Variants in CNTN6 observed in about 807,000 individuals in gnomAD.
CNTN6 encodes the protein contactin 6.
Under a neutral mutation model 122.8 loss-of-function variants are expected in CNTN6, and 137 were observed. That is an observed-to-expected ratio of 1.12 (90% CI 0.97 to 1.29). The LOEUF is 1.29. CNTN6 is among the 50% of genes most tolerant of loss of function. CNTN6 has a pLI of 0.00. For missense variants in CNTN6, 1,634 were observed against 1,223.4 expected, an observed-to-expected ratio of 1.34 and a Z score of -5.01; for synonymous variants, 570 against 426.0, an observed-to-expected ratio of 1.34 and a Z score of -4.16.
chr3:1,191,000 T>C (rs568178665), intron 2 of CNTN6, among the ~76,000 whole-genome samples: 3 of 152,328 alleles, frequency 2.0e-5, no homozygotes, highest in Admixed American at 6.5e-5. Context: ...GTTGAAAGTA[T>C]TGACATGTAC....
At chr3:1,350,207 AAAATGCAGTTTG>A (rs1233405101) in intron 11 of CNTN6, among the ~76,000 whole-genome samples, 1 of 151,762 alleles carries the variant, frequency 6.6e-6, no homozygotes, top group Non-Finnish European at 1.5e-5. Context: ...GTGTCTTGTG[AAAATGCAGTTTG>A]ATTCATTAGG....
intron 4 of CNTN6, among the ~76,000 whole-genome samples, chr3:1,273,510 A>G (rs1691752784): frequency 6.6e-6 from 1 of 152,200 alleles, no homozygotes; most frequent in African/African-American, 2.4e-5. Context: ...TCTTGTTTCC[A>G]GCTAGCAGAA....
At chr3:1,246,543 A>G (rs914464020) in intron 4 of CNTN6, among the ~76,000 whole-genome samples, 1 of 152,148 alleles carries the variant, frequency 6.6e-6, no homozygotes, top group African/African-American at 2.4e-5. Context: ...TCTGTTGTAT[A>G]TACCAGAAAT....
At chr3:1,340,586 G>A (rs1161136424) in intron 11 of CNTN6, among the ~76,000 whole-genome samples, 1 of 152,104 alleles carries the variant, frequency 6.6e-6, no homozygotes, top group Non-Finnish European at 1.5e-5. Context: ...AATTAAAATA[G>A]GTATAAGACT....
In CNTN6 at chr3:1,321,832, A is replaced by G. The variant is rs1282623167; in HGVS notation, c.944A>G (p.Tyr315Cys). The change falls in exon 8 of 23, where the codon TAT (tyrosine) becomes TGT (cysteine). Residue 315 changes from tyrosine to cysteine, a missense_variant and splice_region_variant. By Grantham distance (194) the Tyr-to-Cys change is radical. Transcript: ENST00000446702. ...RNLAKGQLIFYAPPEWEQKIQ... is the reference protein window; with the variant it reads ...RNLAKGQLIFCAPPEWEQKIQ... Reference sequence around the variant, plus strand: ...CTTGCAAAGGGTCAACTCATTTTTTATGGTGAGCTAATTGGATTTCAAATA... The same window carrying G: ...CTTGCAAAGGGTCAACTCATTTTTTGTGGTGAGCTAATTGGATTTCAAATA... 1 of 1,599,448 alleles carries G rather than the reference A, an allele frequency of 6.3e-7. No homozygotes were observed. Among genetic ancestry groups the G allele is most frequent in the African/African-American group, 1.4e-5 (1 of 73,830 alleles).
intron 3 of CNTN6, among the ~76,000 whole-genome samples, chr3:1,222,609 G>A (rs1238736348): frequency 6.6e-6 from 1 of 152,086 alleles, no homozygotes; most frequent in African/African-American, 2.4e-5. Context: ...GTTGTTAAAT[G>A]GCTTTTATTT....
At chr3:1,275,604 G>A (rs1023221161) in intron 4 of CNTN6, among the ~76,000 whole-genome samples, 1 of 152,116 alleles carries the variant, frequency 6.6e-6, no homozygotes, top group Non-Finnish European at 1.5e-5. Context: ...CAAATATGGT[G>A]TATATGCTTA....
chr3:1,176,124 G>A (rs952977335), intron 2 of CNTN6, among the ~76,000 whole-genome samples: 2 of 152,208 alleles, frequency 1.3e-5, no homozygotes, highest in Admixed American at 6.6e-5. Context: ...TCAGAGTTGT[G>A]ATGAATTTGG....
intron 5 of CNTN6, among the ~76,000 whole-genome samples, chr3:1,286,627 C>G (rs1200363423): frequency 1.3e-5 from 2 of 152,040 alleles, no homozygotes; most frequent in Admixed American, 1.3e-4. Context: ...GACATAATAT[C>G]CAGTCTATCA....
intron 2 of CNTN6, among the ~76,000 whole-genome samples, chr3:1,172,620 CTG>C (rs3836248): frequency 0.13 from 19,387 of 149,780 alleles, 1,319 homozygotes; most frequent in African/African-American, 0.17. Flanking sequence ...CAATAACTCT[CTG>C]TGTGTGTGTG....
Position 1,385,683 on chromosome 3 carries a change from A to G in CNTN6, c.2590A>G (p.Lys864Glu), listed in dbSNP as rs756946492. 1 of 1,614,012 alleles carries G rather than the reference A, an allele frequency of 6.2e-7. No homozygotes were observed. The highest frequency in any genetic ancestry group is 8.5e-7 in the Non-Finnish European group (1 of 1,179,880). Residue 864 changes from lysine (K) to glutamate (E), a missense_variant, in exon 20 of 23, where the codon AAA (lysine) becomes GAA (glutamate). Physicochemically the swap from Lys to Glu is moderately conservative, Grantham distance 56. Transcript: ENST00000446702. ...KIRVSGNVTT[K>E]NITGLKANTI... ...TAGAGTCAGTGGAAATGTCACAACCAAAAACATCACGGGGCTGAAAGCTAA... is the reference window on the plus strand; with the variant it reads ...TAGAGTCAGTGGAAATGTCACAACCGAAAACATCACGGGGCTGAAAGCTAA...
At chr3:1,212,049 A>G (rs2094046114) in intron 2 of CNTN6, among the ~76,000 whole-genome samples, 1 of 152,180 alleles carries the variant, frequency 6.6e-6, no homozygotes, top group Non-Finnish European at 1.5e-5. Context: ...GTTAGATACC[A>G]GTAGGTTAGA....
intron 11 of CNTN6, among the ~76,000 whole-genome samples, chr3:1,335,512 G>T (rs1025220093): frequency 6.6e-6 from 1 of 152,060 alleles, no homozygotes; most frequent in African/African-American, 2.4e-5. Context: ...GTCCCCTTAT[G>T]CCCAGTGACT....
At chr3:1,389,180 T>A (rs1576040477) in intron 20 of CNTN6, among the ~76,000 whole-genome samples, 2 of 150,268 alleles carry the variant, frequency 1.3e-5, no homozygotes, top group Admixed American at 6.7e-5. Flanking sequence ...CGGGTTACCC[T>A]CAAAGGGAAG....
At chr3:1,168,133 C>T (rs1341064401) in intron 2 of CNTN6, among the ~76,000 whole-genome samples, 1 of 151,930 alleles carries the variant, frequency 6.6e-6, no homozygotes, top group East Asian at 1.9e-4. Flanking sequence ...GTCTCGATCT[C>T]CTGACCTCAG....
intron 20 of CNTN6, chr3:1,394,529 G>T (rs74378396): frequency 0.031 from 4,802 of 152,666 alleles, 118 homozygotes; most frequent in Middle Eastern, 0.1. Context: ...CGGGCCATGG[G>T]CACCTGCAAC....
At position 1,100,058 on chromosome 3, in the gene CNTN6, C is replaced by T. The variant is rs987694792; in HGVS notation, c.-83+6938C>T. On this transcript the variant is annotated intron_variant, in intron 1 of 22. Transcript: ENST00000446702. ...ATTTGCACTATTTATTTTTAAACTG[C>T]CCCCAATATTTTTGTCAAGGTTTTT... is the stretch of plus-strand genomic sequence containing the variant. 3.9e-5 allele frequency among the ~76,000 whole-genome samples: 6 copies of T among 152,122 alleles called. No homozygotes were observed. In the East Asian group the frequency reaches 9.7e-4, roughly 25 times the overall value.
intron 4 of CNTN6, among the ~76,000 whole-genome samples, chr3:1,264,750 A>G (rs1000889705): frequency 6.6e-5 from 10 of 152,094 alleles, no homozygotes; most frequent in African/African-American, 2.4e-4. Context: ...ATTTTGGAGT[A>G]TACAATACAT....
intron 2 of CNTN6, among the ~76,000 whole-genome samples, chr3:1,158,969 C>CACATATATATATATATATATAT (rs1553610778): frequency 2.9e-4 from 33 of 112,940 alleles, no homozygotes; most frequent in East Asian, 9.7e-4. Flanking sequence ...CACACACACA[C>CACATATATATATATATATATAT]ATATATATAT....
Sources: gnomAD v4.1 joint callset for allele counts (sites outside exome capture counted in the v4.1 genomes callset) on GRCh38, gnomAD v4.1.1 for gene constraint, MANE v1.5 for transcripts, NCBI Gene and HGNC (gene_info 2026-07-23, HGNC 2026-07-21) for gene names.